Variants in RERE observed in about 807,000 individuals in gnomAD.
RERE encodes arginine-glutamic acid dipeptide repeats protein.
In RERE, 40 loss-of-function variants were observed where a neutral mutation model predicts 146.1. The observed-to-expected ratio is 0.27, with a 90% CI of 0.21 to 0.36. The LOEUF is 0.36. Among genes scored for constraint, RERE ranks in the 10% least tolerant of loss-of-function variants. RERE has a pLI of 1.00. For missense variants in RERE, 1,933 were observed against 2,138.7 expected (o/e 0.90, Z 1.90); for synonymous variants, 1,003 against 866.0 (o/e 1.16, Z -2.78).
rs758579101 is a variant in RERE at position 8,362,860 on chromosome 1, G to A, written c.1741-16C>T. On this transcript the variant is annotated splice_polypyrimidine_tract_variant and intron_variant, in intron 15 of 22. Transcript: ENST00000400908. ...GTGTCGACATCTGCCCACCCAAACC[G>A]AAGACTGGTGACACCAGATTCCCAG... 74 of 1,599,394 alleles carry A rather than the reference G, an allele frequency of 4.6e-5. 1 individual carries two copies. The Middle Eastern group carries it at 1.2e-3, about 26-fold the overall frequency.
At chr1:8,622,196 C>G (rs1261600023) in intron 3 of RERE, among the ~76,000 whole-genome samples, 2 of 152,170 alleles carry the variant, frequency 1.3e-5, no homozygotes, top group Non-Finnish European at 2.9e-5. Context: ...AGAACAGCAA[C>G]TATCACATTG....
In RERE at chr1:8,356,385, A is replaced by G. The variant is rs1006385572; in HGVS notation, c.4340-139T>C. 24 of 1,031,942 alleles carry G rather than the reference A, an allele frequency of 2.3e-5. No homozygotes were observed. Among genetic ancestry groups the G allele is most frequent in the Middle Eastern group, 4.3e-4 (2 of 4,656 alleles). 63.9% of individuals were successfully genotyped at this position (1,031,942 alleles called of 1,614,324 possible). On this transcript the variant is annotated intron_variant, in intron 20 of 22. Coordinates refer to ENST00000400908, the MANE Select transcript of RERE (RefSeq NM_001042681.2). The surrounding 1 kb of genome is among the most constrained non-coding windows in gnomAD (Gnocchi z 5.2). ...AGGGCTGGATGCACCACCTGGCTAC[A>G]GGTGGCCCTGCCCCAAAGTGGCTGC...
intron 8 of RERE, among the ~76,000 whole-genome samples, chr1:8,502,034 T>G (rs1435586687): frequency 3.7e-4 from 10 of 27,044 alleles, no homozygotes; most frequent in Admixed American, 2.3e-3. Flanking sequence ...GGGAGGGAGG[T>G]GGGGGGGGTC....
At chr1:8,756,845 A>T (rs1418402226) in intron 1 of RERE, among the ~76,000 whole-genome samples, 1 of 152,134 alleles carries the variant, frequency 6.6e-6, no homozygotes, top group Non-Finnish European at 1.5e-5. Context: ...TAATCCCAGC[A>T]CTTTGGGAGG....
chr1:8,713,946 A>G (rs183534807), intron 1 of RERE, among the ~76,000 whole-genome samples: 1 of 152,332 alleles, frequency 6.6e-6, no homozygotes, highest in South Asian at 2.1e-4. Flanking sequence ...TATATTATGA[A>G]AACTTTAAGC....
chr1:8,620,454 CTTTTAT>C (rs1182422691), intron 3 of RERE, among the ~76,000 whole-genome samples: 1 of 152,152 alleles, frequency 6.6e-6, no homozygotes. Flanking sequence ...TCAGGTAATT[CTTTTAT>C]TTTTAATTTT....
intron 1 of RERE, among the ~76,000 whole-genome samples, chr1:8,658,755 C>CAAAA (rs569580732): frequency 8.4e-6 from 1 of 118,726 alleles, no homozygotes; most frequent in African/African-American, 3.1e-5. Flanking sequence ...GACTCCATCT[C>CAAAA]AAAAAAAAAA....
intron 11 of RERE, among the ~76,000 whole-genome samples, chr1:8,444,817 T>C (rs1282297632): frequency 6.6e-6 from 1 of 151,806 alleles, no homozygotes. Flanking sequence ...GCTTCCGCCA[T>C]AAGTAAAAGC....
intron 1 of RERE, among the ~76,000 whole-genome samples, chr1:8,764,036 A>G (rs575345097): frequency 2.0e-5 from 3 of 152,304 alleles, no homozygotes; most frequent in Admixed American, 2.0e-4. Context: ...AAGGTCAAGA[A>G]GACCTCTGCC....
At chr1:8,732,687 C>T (rs1028320940) in intron 1 of RERE, among the ~76,000 whole-genome samples, 1 of 151,764 alleles carries the variant, frequency 6.6e-6, no homozygotes, top group African/African-American at 2.4e-5. Context: ...ACTGCTTCAT[C>T]AGTTGTAACA....
At chr1:8,577,763 TTG>T (rs1646314026) in intron 4 of RERE, among the ~76,000 whole-genome samples, 1 of 152,202 alleles carries the variant, frequency 6.6e-6, no homozygotes, top group African/African-American at 2.4e-5. Context: ...ATCTTATTCA[TTG>T]TGAGATATAC....
intron 11 of RERE, among the ~76,000 whole-genome samples, chr1:8,449,339 C>T (rs950918468): frequency 2.6e-5 from 4 of 152,174 alleles, no homozygotes; most frequent in Non-Finnish European, 4.4e-5. Flanking sequence ...TTAAAGGGAA[C>T]TCCGCCGGCT....
At chr1:8,580,836 G>C (rs79211106) in intron 4 of RERE, among the ~76,000 whole-genome samples, 4,239 of 151,984 alleles carry the variant, frequency 0.028, 173 homozygotes, top group African/African-American at 0.096. Flanking sequence ...CTTGAGTTGT[G>C]TGCCACCATG....
intron 4 of RERE, among the ~76,000 whole-genome samples, chr1:8,574,405 C>T (rs1646263605): frequency 7.8e-6 from 1 of 128,404 alleles, no homozygotes; most frequent in African/African-American, 3.0e-5. Context: ...AGTGCAGTGG[C>T]ACGATCTCGG....
intron 11 of RERE, among the ~76,000 whole-genome samples, chr1:8,426,141 G>A (rs1318758933): frequency 2.0e-5 from 3 of 152,096 alleles, no homozygotes; most frequent in Admixed American, 2.0e-4. Flanking sequence ...AAATCATAAA[G>A]TCCTCAGTAT....
At chr1:8,809,892 A>G (rs1641770751) in intron 1 of RERE, among the ~76,000 whole-genome samples, 1 of 152,218 alleles carries the variant, frequency 6.6e-6, no homozygotes, top group African/African-American at 2.4e-5. Flanking sequence ...GAAGGTTATA[A>G]CAAGAACTGA....
chr1:8,494,606 C>T (rs1468047570), intron 10 of RERE, among the ~76,000 whole-genome samples: 1 of 152,084 alleles, frequency 6.6e-6, no homozygotes, highest in Admixed American at 6.6e-5. Flanking sequence ...GTCTGTAGTC[C>T]CAGCTACTCC....
intron 11 of RERE, among the ~76,000 whole-genome samples, chr1:8,442,386 TAAA>T (rs1322977351): frequency 4.6e-5 from 5 of 109,298 alleles, no homozygotes; most frequent in Non-Finnish European, 5.8e-5. Context: ...GACTCCATCT[TAAA>T]AAAAAAAAAA....
chr1:8,636,438 G>A (rs540524421), intron 2 of RERE, among the ~76,000 whole-genome samples: 24 of 152,104 alleles, frequency 1.6e-4, no homozygotes, highest in African/African-American at 5.8e-4. Flanking sequence ...GGAGGCTGAG[G>A]TGGGAGGATC....
Sources: gnomAD v4.1 joint callset for allele counts (sites outside exome capture counted in the v4.1 genomes callset) on GRCh38, gnomAD v4.1.1 for gene constraint, Gnocchi (gnomAD v3.1) non-coding constraint, MANE v1.5 for transcripts, NCBI Gene and HGNC (gene_info 2026-07-23, HGNC 2026-07-21) for gene names.